Variants in PPARGC1A observed in about 807,000 individuals in gnomAD.
The protein encoded by PPARGC1A is PPARG coactivator 1 alpha.
PPARGC1A carries 25 observed loss-of-function variants against 88.7 expected under a neutral mutation model. The observed-to-expected ratio is 0.28, with a 90% CI of 0.21 to 0.39. PPARGC1A has a LOEUF of 0.39. Ranked by LOEUF, PPARGC1A falls within the 10% of genes least tolerant of loss-of-function variation. The probability of loss-of-function intolerance (pLI) is 1.00; values close to 1 mark genes in which losing one functional copy is unlikely to be tolerated. For missense variants in PPARGC1A, 880 were observed against 968.7 expected, an observed-to-expected ratio of 0.91 and a Z score of 1.22; for synonymous variants, 363 against 355.6, an observed-to-expected ratio of 1.02 and a Z score of -0.24.
In PPARGC1A at chr4:23,795,585, CAT is replaced by C. The variant is rs1377462038; in HGVS notation, c.*235_*236del. The C allele has an allele frequency of 9.0e-6, 4 of 443,714 alleles. No individual in the cohort carries two copies. In the East Asian group the frequency reaches 1.8e-4, roughly 20 times the overall value. The allele number at this position is 443,714 out of a possible 1,614,324, so 27.5% of individuals were successfully genotyped here. The stretch of plus-strand genomic sequence containing the variant: ...AGCAAAGCTGACACCCATGAATAAA[CAT>C]GTGCTTACTGGATATCATTCTGTCT... On this transcript the variant is annotated 3_prime_UTR_variant, in exon 13 of 13. Transcript: ENST00000264867.
At chr4:24,122,389 G>A in the PPARGC1A span, among the ~76,000 whole-genome samples, 4 of 131,902 alleles carry the variant, frequency 3.0e-5, no homozygotes, top group East Asian at 2.4e-4. Flanking sequence ...ATGCGTATGT[G>A]TGTGTGTGTG....
At chr4:24,291,782 G>A in the PPARGC1A span, among the ~76,000 whole-genome samples, 1 of 152,160 alleles carries the variant, frequency 6.6e-6, no homozygotes, top group Non-Finnish European at 1.5e-5. Flanking sequence ...AAGAGAAAAA[G>A]AGCAAGAAGA....
the PPARGC1A span, among the ~76,000 whole-genome samples, chr4:24,089,576 T>C: frequency 2.0e-5 from 3 of 148,690 alleles, no homozygotes; most frequent in Admixed American, 2.0e-4. Flanking sequence ...AGTGGCGCGA[T>C]CTCGGCTCAC....
the PPARGC1A span, among the ~76,000 whole-genome samples, chr4:24,375,895 C>G: frequency 6.6e-6 from 1 of 152,028 alleles, no homozygotes; most frequent in African/African-American, 2.4e-5. Flanking sequence ...ACAGGGGGTC[C>G]AAGGGTGAAG....
the PPARGC1A span, among the ~76,000 whole-genome samples, chr4:24,031,837 T>G: frequency 6.6e-6 from 1 of 152,206 alleles, no homozygotes; most frequent in Non-Finnish European, 1.5e-5. Flanking sequence ...ATGCACAATC[T>G]CAGAAGACTA....
At chr4:24,345,518 T>A in the PPARGC1A span, among the ~76,000 whole-genome samples, 2 of 152,092 alleles carry the variant, frequency 1.3e-5, no homozygotes, top group African/African-American at 4.8e-5. Flanking sequence ...TAGTTTAGTT[T>A]AGTTTTGTTT....
chr4:24,165,449 T>G, the PPARGC1A span, among the ~76,000 whole-genome samples: 1 of 152,196 alleles, frequency 6.6e-6, no homozygotes, highest in Non-Finnish European at 1.5e-5. Context: ...ACCAATGACC[T>G]CATTTTATAC....
At chr4:24,222,695 C>A in the PPARGC1A span, among the ~76,000 whole-genome samples, 1 of 152,156 alleles carries the variant, frequency 6.6e-6, no homozygotes, top group Non-Finnish European at 1.5e-5. Flanking sequence ...TTCTCAGAAA[C>A]AAAAATTGAT....
At chr4:24,387,818 A>AGAG in the PPARGC1A span, among the ~76,000 whole-genome samples, 34 of 81,098 alleles carry the variant, frequency 4.2e-4, 1 homozygote, top group Admixed American at 3.6e-3. Flanking sequence ...GAAAGAAAGA[A>AGAG]AGAAAGAGAG....
the PPARGC1A span, among the ~76,000 whole-genome samples, chr4:24,426,785 T>C: frequency 6.6e-6 from 1 of 152,186 alleles, no homozygotes; most frequent in Non-Finnish European, 1.5e-5. Flanking sequence ...CCAGGAATCT[T>C]ATAATGATCT....
the PPARGC1A span, among the ~76,000 whole-genome samples, chr4:24,222,345 C>G: frequency 0.77 from 117,249 of 152,130 alleles, 47,397 homozygotes; most frequent in Middle Eastern, 0.91. Context: ...CTTGATATCC[C>G]AACTTTTTAA....
At chr4:24,318,999 A>G in the PPARGC1A span, among the ~76,000 whole-genome samples, 3 of 152,200 alleles carry the variant, frequency 2.0e-5, no homozygotes, top group African/African-American at 4.8e-5. Flanking sequence ...AGAAACAAAC[A>G]AACAAACAAA....
At chr4:24,038,579 A>C in the PPARGC1A span, among the ~76,000 whole-genome samples, 1 of 152,178 alleles carries the variant, frequency 6.6e-6, no homozygotes, top group Non-Finnish European at 1.5e-5. Flanking sequence ...ATAACATTCT[A>C]TATCCAGACC....
chr4:23,812,635 C>G, intron 10 of PPARGC1A, 112 bp downstream of exon 10: 1 of 1,512,208 alleles, frequency 6.6e-7, no homozygotes, highest in Non-Finnish European at 8.9e-7. Flanking sequence ...TGAAAATGGC[C>G]TGTTCTAACA....
At chr4:24,380,618 G>C in the PPARGC1A span, among the ~76,000 whole-genome samples, 1 of 152,122 alleles carries the variant, frequency 6.6e-6, no homozygotes. Flanking sequence ...GACAAGACGA[G>C]AGTCAGTGAT....
chr4:24,380,981 A>T, the PPARGC1A span, among the ~76,000 whole-genome samples: 39 of 117,878 alleles, frequency 3.3e-4, no homozygotes, highest in African/African-American at 1.2e-3. Flanking sequence ...TGTGTGATTT[A>T]AAAAAAAAAA....
intron 2 of PPARGC1A, among the ~76,000 whole-genome samples, chr4:23,839,682 C>A (rs1270156107): frequency 6.6e-6 from 1 of 152,058 alleles, no homozygotes; most frequent in African/African-American, 2.4e-5. Context: ...TGAGACTGGG[C>A]AATTTACAAG....
At chr4:24,353,512 C>CACT in the PPARGC1A span, among the ~76,000 whole-genome samples, 2 of 152,172 alleles carry the variant, frequency 1.3e-5, no homozygotes, top group African/African-American at 4.8e-5. Flanking sequence ...AAGACTCGGC[C>CACT]ACTAAACTTC....
chr4:24,336,042 T>A, the PPARGC1A span, among the ~76,000 whole-genome samples: 1 of 152,252 alleles, frequency 6.6e-6, no homozygotes, highest in East Asian at 1.9e-4. Flanking sequence ...ATTTCTTCAC[T>A]TTTTTTCCCC....
Sources: gnomAD v4.1 joint callset for allele counts (sites outside exome capture counted in the v4.1 genomes callset) on GRCh38, gnomAD v4.1.1 for gene constraint, MANE v1.5 for transcripts, NCBI Gene and HGNC (gene_info 2026-07-23, HGNC 2026-07-21) for gene names.